The following CSGALNACT2 variants were observed in gnomAD, a reference collection of about 807,000 sequenced individuals.
CSGALNACT2 encodes chondroitin sulfate N-acetylgalactosaminyltransferase 2.
CSGALNACT2 carries 35 observed loss-of-function variants against 55.3 expected under a neutral mutation model. The observed-to-expected ratio is 0.63, with a 90% confidence interval of 0.48 to 0.84. The LOEUF (loss-of-function observed/expected upper bound fraction) is 0.84, where lower values mean the gene tolerates loss of function less well. Among genes scored for constraint, CSGALNACT2 ranks in the 40% least tolerant of loss-of-function variants. The pLI, the probability that CSGALNACT2 is intolerant of heterozygous loss-of-function variation, is 0.00. For synonymous variants in CSGALNACT2, 196 were observed against 224.9 expected (o/e 0.87, Z 1.15); for missense variants, 544 against 657.5 (o/e 0.83, Z 1.89).
rs559288159 is a variant in CSGALNACT2 at position 43,160,776 on chromosome 10, C to T, written c.980+181C>T. ...TGCAACCCTACATGACTCAACTTCCCTTCACTGCTTAGCAAGCAGCCTGGC... is the reference window on the plus strand; with the variant it reads ...TGCAACCCTACATGACTCAACTTCCTTTCACTGCTTAGCAAGCAGCCTGGC... On this transcript the variant is annotated intron_variant, in intron 4 of 7. Coordinates refer to ENST00000374466, the MANE Select transcript of CSGALNACT2 (RefSeq NM_018590.5). Among the ~76,000 whole-genome samples, 5 of 152,176 alleles carry T rather than the reference C, an allele frequency of 3.3e-5. No individual in the cohort carries two copies. The East Asian group carries it at 9.7e-4, about 29-fold the overall frequency.
In CSGALNACT2 at chr10:43,164,028, G is replaced by T. The variant is rs1839208334; in HGVS notation, c.1143G>T (p.Arg381=). 8 of 1,612,984 alleles carry T rather than the reference G, an allele frequency of 5.0e-6. No homozygotes were observed. The East Asian group carries it at 1.8e-4, about 36-fold the overall frequency. Residue 381 remains arginine (R), a synonymous_variant, in exon 5 of 8, where the codon CGG becomes CGT. Transcript: ENST00000374466. ...CAGCCGAATTCCTTAACAGCTGCCG[G>T]TTAAATGCTGAGCCAGGTGCGTAAA... is the stretch of plus-strand genomic sequence containing the variant. ...YFSAEFLNSC[R]LNAEPGKKVF...
chr10:43,177,570 TCATC>T (rs1400350186), intron 7 of CSGALNACT2, among the ~76,000 whole-genome samples: 2 of 152,244 alleles, frequency 1.3e-5, no homozygotes, highest in African/African-American at 4.8e-5. Context: ...TTTTCAAAGT[TCATC>T]CATGTTGTGA....
intron 4 of CSGALNACT2, chr10:43,162,295 A>G: frequency 1.6e-6 from 1 of 637,428 alleles, no homozygotes; most frequent in Non-Finnish European, 2.7e-6. Context: ...GCTTTCTCCC[A>G]GCTCCAGTTG....
chr10:43,162,076 T>A (rs1053330882), intron 4 of CSGALNACT2: 6 of 496,226 alleles, frequency 1.2e-5, no homozygotes, highest in Non-Finnish European at 2.0e-5. Context: ...ACAACCAAAT[T>A]TGGGGAAGAA....
At chr10:43,177,415 C>T (rs937056935) in intron 7 of CSGALNACT2, among the ~76,000 whole-genome samples, 4 of 152,178 alleles carry the variant, frequency 2.6e-5, no homozygotes, top group Non-Finnish European at 5.9e-5. Flanking sequence ...ACAATCACTC[C>T]TCACATCCTA....
chr10:43,166,726 C>T (rs781118589), intron 5 of CSGALNACT2, among the ~76,000 whole-genome samples: 2 of 152,246 alleles, frequency 1.3e-5, no homozygotes, highest in South Asian at 2.1e-4. Context: ...AAATGACTCA[C>T]GTAATGAATA....
intron 7 of CSGALNACT2, among the ~76,000 whole-genome samples, chr10:43,182,624 C>T (rs980094204): frequency 1.3e-5 from 2 of 151,432 alleles, no homozygotes; most frequent in African/African-American, 4.9e-5. Flanking sequence ...CTAATGCCTG[C>T]AATCCAGCAC....
chr10:43,153,114 C>G (rs1220434833), intron 1 of CSGALNACT2, among the ~76,000 whole-genome samples: 1 of 151,890 alleles, frequency 6.6e-6, no homozygotes, highest in Non-Finnish European at 1.5e-5. Flanking sequence ...CTTTGGGAGG[C>G]CGAGGCGGGC....
intron 2 of CSGALNACT2, among the ~76,000 whole-genome samples, chr10:43,158,019 C>A (rs1357658249): frequency 7.1e-6 from 1 of 141,170 alleles, no homozygotes; most frequent in East Asian, 2.1e-4. Flanking sequence ...CAGAGTGAGA[C>A]TCCGTCTAAA....
At chr10:43,156,958 A>T (rs1380313628) in intron 2 of CSGALNACT2, among the ~76,000 whole-genome samples, 1 of 152,222 alleles carries the variant, frequency 6.6e-6, no homozygotes, top group Non-Finnish European at 1.5e-5. Flanking sequence ...CATGGCCATC[A>T]CTTGCTGCAC....
intron 1 of CSGALNACT2, among the ~76,000 whole-genome samples, chr10:43,148,160 C>T (rs1247174717): frequency 6.6e-6 from 1 of 152,128 alleles, no homozygotes; most frequent in East Asian, 1.9e-4. Flanking sequence ...ATTCTTTCTC[C>T]CATTGAACTG....
intron 6 of CSGALNACT2, among the ~76,000 whole-genome samples, chr10:43,173,202 C>G (rs1171655871): frequency 1.3e-5 from 2 of 152,098 alleles, no homozygotes. Context: ...AGAGATAGGG[C>G]TGACAGAGCT....
chr10:43,166,569 C>A (rs958060425), intron 5 of CSGALNACT2, among the ~76,000 whole-genome samples: 4 of 152,184 alleles, frequency 2.6e-5, no homozygotes, highest in Non-Finnish European at 5.9e-5. Context: ...CTCTGCATAT[C>A]TATTCATTGT....
chr10:43,175,976 G>A lies in CSGALNACT2; in HGVS notation c.1280G>A (p.Trp427Ter). ...GTTCACAAAAAGGATTCTGGCTTTT[G>A]GCGAGATTTTGGCTTTGGAATGACT... ...QLVHKKDSGF[W>*]RDFGFGMTCQ... The change falls in exon 7 of 8, where the codon TGG becomes TAG. Residue 427 changes from tryptophan to a stop codon, truncating the protein, a stop_gained. Transcript: ENST00000374466. LOFTEE classifies it high-confidence loss of function. 1.2e-6 allele frequency: 2 copies of A among 1,607,658 alleles called. No homozygotes were observed. The highest frequency in any genetic ancestry group is 1.7e-6 in the Non-Finnish European group (2 of 1,178,146).
intron 2 of CSGALNACT2, 64 bp downstream of exon 2, chr10:43,155,874 G>T (rs915767770): frequency 7.7e-7 from 1 of 1,303,490 alleles, no homozygotes; most frequent in African/African-American, 1.5e-5. Flanking sequence ...TTGTATGCTG[G>T]TATTGTATTG....
At chr10:43,154,157 C>T (rs1298331320) in intron 1 of CSGALNACT2, among the ~76,000 whole-genome samples, 1 of 152,180 alleles carries the variant, frequency 6.6e-6, no homozygotes, top group Non-Finnish European at 1.5e-5. Flanking sequence ...GGGAGAAAAT[C>T]TCTCTCTCCA....
At chr10:43,174,066 C>T (rs981627256) in intron 6 of CSGALNACT2, among the ~76,000 whole-genome samples, 2 of 151,914 alleles carry the variant, frequency 1.3e-5, no homozygotes, top group African/African-American at 4.8e-5. Flanking sequence ...TTTATTTATT[C>T]AACACGTATT....
chr10:43,140,719 A>G (rs906833535), intron 1 of CSGALNACT2, among the ~76,000 whole-genome samples: 2 of 152,278 alleles, frequency 1.3e-5, no homozygotes, highest in East Asian at 1.9e-4. Context: ...AAGAACTTAC[A>G]TTGTTATTGT....
intron 1 of CSGALNACT2, among the ~76,000 whole-genome samples, chr10:43,146,975 TTTTTTTTTTTTTTTGTG>T (rs1256851362): frequency 0.019 from 1 of 52 alleles, no homozygotes; most frequent in Non-Finnish European, 0.1. Context: ...TTTTTTTTTT[TTTTTTTTTTTTTTTGTG>T]GAGACGGGAG....
Sources: gnomAD v4.1 joint callset for allele counts (sites outside exome capture counted in the v4.1 genomes callset) on GRCh38, gnomAD v4.1.1 for gene constraint, MANE v1.5 for transcripts, NCBI Gene and HGNC (gene_info 2026-07-23, HGNC 2026-07-21) for gene names.